ZBTB37: variants seen among roughly 807,000 people sequenced by gnomAD.
ZBTB37 encodes the protein zinc finger and BTB domain containing 37, also known as zinc finger and BTB domain-containing protein 37.
ZBTB37 carries 15 observed loss-of-function variants against 37.7 expected under a neutral mutation model. That is an observed-to-expected ratio of 0.40 (90% CI 0.27 to 0.61). ZBTB37 has a LOEUF of 0.61. ZBTB37 is among the 20% of genes least tolerant of loss of function. The pLI, the probability that ZBTB37 is intolerant of heterozygous loss-of-function variation, is 0.44. For missense variants in ZBTB37, 514 were observed against 641.9 expected (o/e 0.80, Z 2.15); for synonymous variants, 231 against 220.6 (o/e 1.05, Z -0.42).
At chr1:173,898,917 A>T (rs1336178884) in exon 4 of ZBTB37, 1 of 152,248 alleles carries the variant, frequency 6.6e-6, no homozygotes, top group Non-Finnish European at 1.5e-5. Context: ...AAATGTCTAA[A>T]CAGGGATTCT....
chr1:173,878,558 GCT>G (rs1656112838), intron 4 of ZBTB37, among the ~76,000 whole-genome samples: 1 of 152,148 alleles, frequency 6.6e-6, no homozygotes, highest in African/African-American at 2.4e-5. Flanking sequence ...GCCCAAAGAG[GCT>G]CTGTCTCCTG....
At chr1:173,882,092 C>T (rs1195908841) in intron 4 of ZBTB37, among the ~76,000 whole-genome samples, 1 of 151,648 alleles carries the variant, frequency 6.6e-6, no homozygotes. Flanking sequence ...ATCCTTTGCC[C>T]ACTTTTTGCT....
chr1:173,902,502 C>G (rs1444488800), exon 4 of ZBTB37: 1 of 152,142 alleles, frequency 6.6e-6, no homozygotes, highest in Admixed American at 6.5e-5. Flanking sequence ...GTAAAGATGC[C>G]TCGGGAAAGT....
exon 4 of ZBTB37, chr1:173,899,994 G>C (rs1039233950): frequency 1.2e-4 from 18 of 152,144 alleles, no homozygotes; most frequent in Non-Finnish European, 2.1e-4. Flanking sequence ...TGCATATGTA[G>C]TTTCAGTGGA....
exon 4 of ZBTB37, chr1:173,894,870 CATTT>C (rs992061196): frequency 2.0e-5 from 3 of 152,066 alleles, no homozygotes; most frequent in African/African-American, 7.2e-5. Flanking sequence ...CTGTAGAAAC[CATTT>C]ATTATGTCTA....
chr1:173,874,426 C>G (rs559453458), intron 4 of ZBTB37, among the ~76,000 whole-genome samples: 1 of 151,278 alleles, frequency 6.6e-6, no homozygotes, highest in Admixed American at 6.6e-5. Context: ...TCTCGGCTCA[C>G]TGCAAGCTCC....
At chr1:173,877,562 G>A (rs1413330237) in intron 4 of ZBTB37, among the ~76,000 whole-genome samples, 1 of 151,544 alleles carries the variant, frequency 6.6e-6, no homozygotes, top group Non-Finnish European at 1.5e-5. Flanking sequence ...TTTGTTTTTT[G>A]TAGACACAGG....
intron 3 of ZBTB37, among the ~76,000 whole-genome samples, chr1:173,871,914 G>C (rs1412884601): frequency 6.6e-6 from 1 of 152,056 alleles, no homozygotes; most frequent in Non-Finnish European, 1.5e-5. Flanking sequence ...ATTTAGATTG[G>C]TAATATTTGT....
In ZBTB37 at chr1:173,886,059, C is replaced by T; in HGVS notation, c.1447C>T (p.Gln483Ter). ...ACAAGCTGAGGAAGAGTCACCTTCA[C>T]AGGAAGAGACAGTTGCTCCTGGGGA... The change falls in exon 5 of 5, where the codon CAG becomes TAG. Residue 483 changes from glutamine (Q) to a stop codon, truncating the protein, a stop_gained. Transcript: ENST00000427304. LOFTEE classifies it high-confidence loss of function. 6.4e-7 allele frequency: 1 copy of T among 1,551,722 alleles called. No individual in the cohort carries two copies. The highest frequency in any genetic ancestry group is 2.0e-5 in the Admixed American group (1 of 51,000).
downstream of ZBTB37, chr1:173,888,669 A>G (rs1237289749): frequency 6.6e-6 from 1 of 152,060 alleles, no homozygotes; most frequent in African/African-American, 2.4e-5. Flanking sequence ...GCCTCAAGTA[A>G]TCCTACCACC....
At chr1:173,871,671 A>G (rs1655573059) in intron 3 of ZBTB37, among the ~76,000 whole-genome samples, 1 of 152,052 alleles carries the variant, frequency 6.6e-6, no homozygotes, top group Non-Finnish European at 1.5e-5. Context: ...CGTTATGGAT[A>G]TTTTTCATCT....
At chr1:173,881,870 C>T (rs1222567670) in intron 4 of ZBTB37, among the ~76,000 whole-genome samples, 5 of 151,948 alleles carry the variant, frequency 3.3e-5, no homozygotes, top group Non-Finnish European at 7.4e-5. Context: ...CTGGCTAACA[C>T]GGTGAAACCC....
exon 5 of ZBTB37, chr1:173,885,822 C>T (rs1041229698): frequency 2.6e-6 from 4 of 1,551,810 alleles, no homozygotes; most frequent in Non-Finnish European, 3.5e-6. Context: ...ATTCGTCTGC[C>T]GCATGTGTGG....
intron 3 of ZBTB37, among the ~76,000 whole-genome samples, chr1:173,872,212 G>T (rs950405945): frequency 6.6e-6 from 1 of 151,894 alleles, no homozygotes; most frequent in African/African-American, 2.4e-5. Flanking sequence ...GGGACTACAG[G>T]TCCCTGCCCC....
intron 4 of ZBTB37, among the ~76,000 whole-genome samples, chr1:173,875,623 G>A (rs1305730865): frequency 6.6e-6 from 1 of 151,546 alleles, no homozygotes; most frequent in Non-Finnish European, 1.5e-5. Flanking sequence ...CACCGCGCCC[G>A]GCCTGCATTA....
At chr1:173,873,278 A>C (rs1002221858) in intron 3 of ZBTB37, among the ~76,000 whole-genome samples, 189 bp from the exon 4 acceptor site, 1 of 152,194 alleles carries the variant, frequency 6.6e-6, no homozygotes, top group African/African-American at 2.4e-5. Flanking sequence ...TGTTTATTAA[A>C]TTTACTAGGG....
exon 3 of ZBTB37, chr1:173,870,286 C>T: frequency 6.2e-7 from 1 of 1,614,204 alleles, no homozygotes; most frequent in Non-Finnish European, 8.5e-7. Context: ...TGTCCTGAGC[C>T]ATCTAAACCA....
chr1:173,897,659 A>G (rs1006367080), exon 4 of ZBTB37: 3 of 152,238 alleles, frequency 2.0e-5, no homozygotes, highest in Non-Finnish European at 2.9e-5. Flanking sequence ...AGAATATCCT[A>G]CCTCCCACTA....
At chr1:173,897,405 G>A (rs957191081) in exon 4 of ZBTB37, 1 of 152,182 alleles carries the variant, frequency 6.6e-6, no homozygotes, top group African/African-American at 2.4e-5. Flanking sequence ...AAAGATGTAG[G>A]TGTAAAAGTG....
Sources: allele counts gnomAD v4.1 joint callset (sites outside exome capture counted in the v4.1 genomes callset), GRCh38; gene constraint gnomAD v4.1.1; transcripts MANE v1.5; gene names NCBI Gene and HGNC (gene_info 2026-07-23, HGNC 2026-07-21).